The following PLXNA2 variants were observed in gnomAD, a reference collection of about 807,000 sequenced individuals.
PLXNA2 encodes the protein plexin-A2.
PLXNA2 carries 91 observed loss-of-function variants against 193.5 expected under a neutral mutation model. That is an observed-to-expected ratio of 0.47 (90% CI 0.40 to 0.56). PLXNA2 has a LOEUF of 0.56. PLXNA2 is among the 20% of genes least tolerant of loss of function. PLXNA2 has a pLI of 0.00. For synonymous variants in PLXNA2, 997 were observed against 1,027.3 expected (o/e 0.97, Z 0.56); for missense variants, 1,995 against 2,503.2 (o/e 0.80, Z 4.33).
At chr1:208,166,008 G>A (rs1669292155) in intron 3 of PLXNA2, among the ~76,000 whole-genome samples, 2 of 152,160 alleles carry the variant, frequency 1.3e-5, no homozygotes, top group African/African-American at 4.8e-5. Flanking sequence ...TACTTCCCAT[G>A]CGTAGGCCTC....
At chr1:208,180,206 C>A (rs1235869918) in intron 3 of PLXNA2, among the ~76,000 whole-genome samples, 43 of 148,622 alleles carry the variant, frequency 2.9e-4, no homozygotes, top group Non-Finnish European at 3.0e-5. Flanking sequence ...ATGTTAAAGT[C>A]ATTAAGGCTG....
At position 208,026,648 on chromosome 1, in the gene PLXNA2, T is replaced by TTC. The variant is rs148574660; in HGVS notation, c.*593_*594dup. 0.33 allele frequency: 25,142 copies of TTC among 76,864 alleles called. 2,603 individuals are homozygous for TTC. Among genetic ancestry groups the TTC allele is most frequent in the Middle Eastern group, 0.4 (74 of 186 alleles). The allele number at this position is 76,864 out of a possible 1,614,324, so 4.8% of individuals were successfully genotyped here. ...GTGCTCATCATTCTTCTTCTCCTCT[T>TTC]TCTCTTTTTTTTTTTTTTTTTAATT... On this transcript the variant is annotated 3_prime_UTR_variant, in exon 32 of 32. Coordinates refer to ENST00000367033, the MANE Select transcript of PLXNA2 (RefSeq NM_025179.4).
chr1:208,182,903 C>A (rs187639535), intron 3 of PLXNA2, among the ~76,000 whole-genome samples: 18 of 152,136 alleles, frequency 1.2e-4, no homozygotes, highest in African/African-American at 4.3e-4. Context: ...AGCCAAGGAG[C>A]CAAGATCAGA....
intron 3 of PLXNA2, among the ~76,000 whole-genome samples, chr1:208,173,902 C>A (rs1014752153): frequency 1.1e-4 from 16 of 152,238 alleles, no homozygotes; most frequent in African/African-American, 3.9e-4. Context: ...ACTTTCATTT[C>A]CTCTGCCCCT....
chr1:208,126,130 G>A (rs539895812), intron 4 of PLXNA2, among the ~76,000 whole-genome samples: 4 of 152,334 alleles, frequency 2.6e-5, no homozygotes, highest in African/African-American at 9.6e-5. Context: ...AGCCCAGCAG[G>A]CCTCAGGGAC....
chr1:208,154,149 C>T (rs2102502695), intron 3 of PLXNA2, among the ~76,000 whole-genome samples: 1 of 152,290 alleles, frequency 6.6e-6, no homozygotes, highest in Admixed American at 6.5e-5. Context: ...TGGCTGGACA[C>T]CTGCTTGTCC....
intron 9 of PLXNA2, among the ~76,000 whole-genome samples, chr1:208,089,434 A>T (rs371160725): frequency 8.5e-5 from 13 of 152,346 alleles, no homozygotes; most frequent in African/African-American, 2.9e-4. Flanking sequence ...CAAAAACCCG[A>T]AATTTTTAGC....
At chr1:208,235,100 C>T (rs1217913268) in intron 1 of PLXNA2, among the ~76,000 whole-genome samples, 2 of 152,192 alleles carry the variant, frequency 1.3e-5, no homozygotes, top group African/African-American at 4.8e-5. Context: ...CATGTACACT[C>T]TCAGAGCTCT....
chr1:208,180,164 A>T (rs1180812839), intron 3 of PLXNA2, among the ~76,000 whole-genome samples: 1 of 143,940 alleles, frequency 6.9e-6, no homozygotes, highest in Non-Finnish European at 1.5e-5. Context: ...GGGGGCTTGT[A>T]TTTTTTTTTT....
chr1:208,080,859 C>T (rs1666316479), intron 11 of PLXNA2, among the ~76,000 whole-genome samples: 2 of 152,160 alleles, frequency 1.3e-5, no homozygotes, highest in Non-Finnish European at 1.5e-5. Flanking sequence ...AACAGTCATT[C>T]ATCTGAGTTC....
In PLXNA2 at chr1:208,039,636, G is replaced by T. The variant is rs374437477; in HGVS notation, c.4485C>A (p.Ile1495=). 1 of 1,613,982 alleles carries T rather than the reference G, an allele frequency of 6.2e-7. No homozygotes were observed. The change falls in exon 24 of 32, where the codon ATC becomes ATA. Residue 1495 remains isoleucine (I), a synonymous_variant. Coordinates refer to ENST00000367033, the MANE Select transcript of PLXNA2 (RefSeq NM_025179.4). The part of the protein sequence containing the change: ...LSEDKLIRQQ[I]EYKTLILNCV... ...GCTTCCTCACCAGGGTCTTGTACTC[G>T]ATCTGCTGCCGGATGAGCTTGTCCT...
chr1:208,232,240 C>G (rs770134590), intron 1 of PLXNA2, among the ~76,000 whole-genome samples: 1 of 152,192 alleles, frequency 6.6e-6, no homozygotes. Context: ...TGCCAGTCTC[C>G]CTCTCCCCAG....
chr1:208,119,313 C>G (rs1293291564), intron 4 of PLXNA2, among the ~76,000 whole-genome samples: 6 of 152,158 alleles, frequency 3.9e-5, no homozygotes, highest in Non-Finnish European at 1.5e-5. Flanking sequence ...ATATTGTTGT[C>G]TAGGAGAGCA....
At chr1:208,123,591 G>C (rs375489393) in intron 4 of PLXNA2, among the ~76,000 whole-genome samples, 72 of 152,076 alleles carry the variant, frequency 4.7e-4, no homozygotes, top group Non-Finnish European at 9.6e-4. Flanking sequence ...GACAAATAAG[G>C]GTCTCCTGGT....
chr1:208,145,778 C>G (rs1221585630), intron 3 of PLXNA2, among the ~76,000 whole-genome samples: 2 of 152,264 alleles, frequency 1.3e-5, no homozygotes, highest in East Asian at 3.9e-4. Context: ...TGTCTGCAAC[C>G]CCAATCTTTT....
rs200018597 is a variant in PLXNA2, at chr1:208,098,926, G to A, written c.1651C>T (p.Arg551Ter). Residue 551 changes from arginine (R) to a stop codon, truncating the protein, a stop_gained, in exon 6 of 32, where the codon CGA becomes TGA. Coordinates refer to ENST00000367033, the MANE Select transcript of PLXNA2 (RefSeq NM_025179.4). LOFTEE classifies it high-confidence loss of function. ...CACTGGCTGATGCTGGCAGCAAATC[G>A]ATTAGGTTCCCAGGCCTGTTGGCAT... ...DKCQQAWEPN[R>*]FAASISQCVS... 11 of 1,613,658 alleles carry A rather than the reference G, an allele frequency of 6.8e-6. No homozygotes were observed. Among genetic ancestry groups the A allele is most frequent in the Non-Finnish European group, 7.6e-6 (9 of 1,179,934 alleles).
intron 1 of PLXNA2, among the ~76,000 whole-genome samples, chr1:208,232,628 T>A (rs1671724837): frequency 6.6e-6 from 1 of 152,210 alleles, no homozygotes; most frequent in African/African-American, 2.4e-5. Context: ...ATGACAATGA[T>A]TAGAAGAAGT....
chr1:208,122,560 A>G (rs1024187804), intron 4 of PLXNA2, among the ~76,000 whole-genome samples: 1 of 152,250 alleles, frequency 6.6e-6, no homozygotes, highest in African/African-American at 2.4e-5. Context: ...GGTGATTGTT[A>G]AATTTCACTC....
At chr1:208,061,822 T>C (rs1318066384) in intron 12 of PLXNA2, among the ~76,000 whole-genome samples, 1 of 152,126 alleles carries the variant, frequency 6.6e-6, no homozygotes, top group African/African-American at 2.4e-5. Context: ...TGGCCAATAG[T>C]TATCTGAAGT....
Sources: gnomAD v4.1 joint callset for allele counts (sites outside exome capture counted in the v4.1 genomes callset) on GRCh38, gnomAD v4.1.1 for gene constraint, MANE v1.5 for transcripts, NCBI Gene and HGNC (gene_info 2026-07-23, HGNC 2026-07-21) for gene names.